DRC7: variants seen among roughly 807,000 people sequenced by gnomAD.
DRC7 encodes the protein coiled-coil domain containing 135.
DRC7 carries 80 observed loss-of-function variants against 104.4 expected under a neutral mutation model. The ratio of observed to expected loss-of-function variants is 0.77; its 90% confidence interval spans 0.64 to 0.92. DRC7 has a LOEUF of 0.92. DRC7 is among the 40% of genes least tolerant of loss of function. The pLI, the probability that DRC7 is intolerant of heterozygous loss-of-function variation, is 0.00. For synonymous variants in DRC7, 405 were observed against 447.3 expected (o/e 0.91, Z 1.19); for missense variants, 1,034 against 1,141.1 (o/e 0.91, Z 1.35).
chr16:57,709,874 C>T (rs1242623176), intron 8 of DRC7, among the ~76,000 whole-genome samples: 1 of 152,114 alleles, frequency 6.6e-6, no homozygotes, highest in African/African-American at 2.4e-5. Context: ...GCAATTCTTC[C>T]ACCTCAGCCT....
In DRC7 at chr16:57,728,395, C is replaced by T. The variant is rs781297856; in HGVS notation, c.2202C>T (p.Arg734=). The change falls in exon 17 of 19, where the codon CGC becomes CGT. Residue 734 remains arginine (R), a synonymous_variant. Transcript: ENST00000360716. ...TCTGCCCCTCACCTTTACAGGAGCGCATGATGCACGAAGAGCACCTGCGGC... is the reference window on the plus strand; with the variant it reads ...TCTGCCCCTCACCTTTACAGGAGCGTATGATGCACGAAGAGCACCTGCGGC... ...KSKEYREAME[R]MMHEEHLRQV... 9 of 1,596,284 alleles carry T rather than the reference C, an allele frequency of 5.6e-6. No homozygotes were observed. The highest frequency in any genetic ancestry group is 7.7e-6 in the Non-Finnish European group (9 of 1,170,374).
intron 1 of DRC7, among the ~76,000 whole-genome samples, chr16:57,695,357 A>G (rs566965217): frequency 6.6e-6 from 1 of 151,744 alleles, no homozygotes; most frequent in South Asian, 2.1e-4. Context: ...TACTGGCTGT[A>G]CCTTAAGCAG....
intron 10 of DRC7, 127 bp from the exon 11 acceptor site, chr16:57,722,586 A>G: frequency 3.1e-6 from 4 of 1,306,510 alleles, no homozygotes; most frequent in Non-Finnish European, 4.2e-6. Flanking sequence ...GCCTCCCTGG[A>G]TCAGGCTTGG....
Position 57,707,533 on chromosome 16 carries a change from A to G in DRC7, c.932A>G (p.Lys311Arg). 1 of 1,613,502 alleles carries G rather than the reference A, an allele frequency of 6.2e-7. No homozygotes were observed. The highest frequency in any genetic ancestry group is 8.5e-7 in the Non-Finnish European group (1 of 1,180,016). ...VHSWVLVLSG[K>R]REVPENFFID... is the part of the protein sequence containing the mutation. ...TCCTGGGTCCTTGTGCTATCGGGGA[A>G]GCGCGAGGTGCCTGAGAACTTCTTC... The change falls in exon 8 of 19, where the codon AAG becomes AGG. Residue 311 changes from lysine (K) to arginine (R), a missense_variant. By Grantham distance (26) the Lys-to-Arg change is conservative (BLOSUM62 2). Transcript: ENST00000360716.
chr16:57,725,734 C>G, intron 13 of DRC7: 1 of 288,712 alleles, frequency 3.5e-6, no homozygotes, highest in South Asian at 6.1e-5. Flanking sequence ...TGTGTAATGG[C>G]AGCATGCCAA....
intron 13 of DRC7, 176 bp from the exon 14 acceptor site, chr16:57,725,892 C>T: frequency 1.6e-6 from 1 of 622,530 alleles, no homozygotes; most frequent in Non-Finnish European, 2.9e-6. Flanking sequence ...AGTGGCCTGG[C>T]CCTGAGAACC....
intron 13 of DRC7, among the ~76,000 whole-genome samples, 177 bp downstream of exon 13, chr16:57,725,012 A>C (rs185261983): frequency 6.6e-6 from 1 of 152,298 alleles, no homozygotes; most frequent in East Asian, 1.9e-4. Context: ...TGCTGCTTTG[A>C]AGAAATACCT....
intron 8 of DRC7, among the ~76,000 whole-genome samples, chr16:57,710,460 A>G (rs1184760775): frequency 2.0e-5 from 3 of 152,230 alleles, no homozygotes; most frequent in African/African-American, 4.8e-5. Context: ...TGTGAATAAA[A>G]ACAGTTTTAC....
chr16:57,711,874 A>G (rs973608961), intron 8 of DRC7, among the ~76,000 whole-genome samples: 3 of 152,230 alleles, frequency 2.0e-5, no homozygotes, highest in Non-Finnish European at 2.9e-5. Flanking sequence ...TCACAAGATC[A>G]GATGAGCCAG....
intron 3 of DRC7, 121 bp downstream of exon 3, chr16:57,698,273 G>A (rs1309090655): frequency 6.9e-7 from 1 of 1,443,012 alleles, no homozygotes; most frequent in Non-Finnish European, 9.3e-7. Context: ...AAGCAGTTAT[G>A]AGTGAAGGCT....
intron 16 of DRC7, 97 bp downstream of exon 16, chr16:57,727,506 T>C: frequency 2.4e-6 from 2 of 838,686 alleles, no homozygotes; most frequent in Non-Finnish European, 4.0e-6. Context: ...AGAAACCCTC[T>C]GTGGGGGATA....
In DRC7 at chr16:57,698,776, A is replaced by G. The variant is rs143758305; in HGVS notation, c.204-74A>G. ...ATTAAATGAGGAAGGGGTAGAGCCA[A>G]TGGCAACTCAGTGGAACCAGGGCTC... On this transcript the variant is annotated intron_variant, in intron 3 of 18. Transcript: ENST00000360716. The G allele has an allele frequency of 1.0e-2, 14,714 of 1,474,022 alleles. 100 individuals are homozygous for G. Among genetic ancestry groups the G allele is most frequent in the Middle Eastern group, 0.012 (68 of 5,638 alleles). 91.3% of individuals were successfully genotyped at this position (1,474,022 alleles called of 1,614,324 possible).
intron 2 of DRC7, among the ~76,000 whole-genome samples, chr16:57,696,891 G>A (rs2048598318): frequency 6.6e-6 from 1 of 152,102 alleles, no homozygotes; most frequent in African/African-American, 2.4e-5. Flanking sequence ...CTTACCGTTA[G>A]GATTTTCTTT....
intron 2 of DRC7, among the ~76,000 whole-genome samples, chr16:57,696,903 A>T (rs2048598389): frequency 6.6e-6 from 1 of 152,002 alleles, no homozygotes; most frequent in African/African-American, 2.4e-5. Flanking sequence ...ATTTTCTTTA[A>T]ACCAATCTAT....
At position 57,724,826 on chromosome 16, in the gene DRC7, G is replaced by A; in HGVS notation, c.1749G>A (p.Arg583=). 1 of 1,612,776 alleles carries A rather than the reference G, an allele frequency of 6.2e-7. No individual in the cohort carries two copies. The highest frequency in any genetic ancestry group is 2.2e-5 in the East Asian group (1 of 44,830). The change falls in exon 13 of 19, where the codon CGG becomes CGA. Residue 583 remains arginine (R), a synonymous_variant. Transcript: ENST00000360716. The part of the protein sequence containing the change: ...LTLSSAESNP[R]PIVKITERFF... The stretch of plus-strand genomic sequence containing the variant: ...TGAGCAGTGCAGAGTCAAACCCCCG[G>A]CCCATTGTGGTAAGAGCTCGCGGGG...
At chr16:57,707,787 G>C (rs185827426) in intron 8 of DRC7, 109 bp downstream of exon 8, 6 of 966,216 alleles carry the variant, frequency 6.2e-6, no homozygotes, top group Non-Finnish European at 8.0e-6. Context: ...ACCAGGCCAC[G>C]AGGGCTTTGA....
At chr16:57,698,593 G>T (rs1467809930) in intron 3 of DRC7, among the ~76,000 whole-genome samples, 1 of 152,180 alleles carries the variant, frequency 6.6e-6, no homozygotes, top group Non-Finnish European at 1.5e-5. Flanking sequence ...GGGAGGCTGA[G>T]GTGGGAGGGT....
Position 57,704,950 on chromosome 16 carries a change from T to G in DRC7, c.774T>G (p.Phe258Leu). 2 of 1,613,774 alleles carry G rather than the reference T, an allele frequency of 1.2e-6. No homozygotes were observed. Among genetic ancestry groups the G allele is most frequent in the Non-Finnish European group, 8.5e-7 (1 of 1,179,940 alleles). ...IKPPRDLCSR[F>L]EQEQEVKKQQ... is the part of the protein sequence containing the mutation. ...CCCCCAGGGACCTGTGCAGCAGGTT[T>G]GAGCAGGAGCAAGAGGTGAAGAAGC... The change falls in exon 7 of 19, where the codon TTT becomes TTG. Residue 258 changes from phenylalanine to leucine, a missense_variant. By Grantham distance (22) the Phe-to-Leu change is conservative. Coordinates refer to ENST00000360716, the MANE Select transcript of DRC7 (RefSeq NM_001289162.2).
At chr16:57,724,060 C>T (rs2048936078) in intron 12 of DRC7, among the ~76,000 whole-genome samples, 1 of 152,028 alleles carries the variant, frequency 6.6e-6, no homozygotes, top group South Asian at 2.1e-4. Flanking sequence ...CAGTGGCGCA[C>T]ACCTATAATC....
Sources: gnomAD v4.1 joint callset for allele counts (sites outside exome capture counted in the v4.1 genomes callset) on GRCh38, gnomAD v4.1.1 for gene constraint, MANE v1.5 for transcripts, NCBI Gene and HGNC (gene_info 2026-07-23, HGNC 2026-07-21) for gene names.